Variants in CDH13 observed in about 807,000 individuals in gnomAD.
The protein encoded by CDH13 is cadherin 13.
Under a neutral mutation model 63.8 loss-of-function variants are expected in CDH13, and 24 were observed. That is an observed-to-expected ratio of 0.38 (90% CI 0.27 to 0.53). The LOEUF is 0.53. CDH13 is among the 20% of genes least tolerant of loss of function. The probability of loss-of-function intolerance (pLI) is 0.85; values close to 1 mark genes in which losing one functional copy is unlikely to be tolerated. For synonymous variants in CDH13, 503 were observed against 355.3 expected, an observed-to-expected ratio of 1.42 and a Z score of -4.67; for missense variants, 1,049 against 903.1, an observed-to-expected ratio of 1.16 and a Z score of -2.07.
chr16:83,535,090 C>A (rs2075157747), intron 7 of CDH13, among the ~76,000 whole-genome samples: 4 of 152,196 alleles, frequency 2.6e-5, no homozygotes, highest in Non-Finnish European at 4.4e-5. Context: ...TTGTTGGGGT[C>A]CTTTTTCAGT....
chr16:83,391,004 A>G (rs1272066646), intron 6 of CDH13, among the ~76,000 whole-genome samples: 1 of 152,160 alleles, frequency 6.6e-6, no homozygotes. Flanking sequence ...TTAATTGCTG[A>G]TTCAAACCAT....
chr16:83,705,381 G>A (rs1276179609), intron 10 of CDH13, among the ~76,000 whole-genome samples: 1 of 152,192 alleles, frequency 6.6e-6, no homozygotes, highest in Admixed American at 6.5e-5. Flanking sequence ...CTAGCACTTT[G>A]GGAGGCTGAG....
intron 8 of CDH13, among the ~76,000 whole-genome samples, chr16:83,625,190 ATG>A (rs1491129931): frequency 2.6e-5 from 4 of 151,140 alleles, no homozygotes; most frequent in Non-Finnish European, 3.0e-5. Context: ...GTGTGTGCTC[ATG>A]TGTGTGTGTG....
intron 7 of CDH13, among the ~76,000 whole-genome samples, chr16:83,561,841 C>T (rs2075714853): frequency 6.6e-6 from 1 of 152,144 alleles, no homozygotes. Flanking sequence ...TTTTGTAGTT[C>T]CTTAAAAGAG....
chr16:83,679,900 C>G (rs1266383416), intron 10 of CDH13, among the ~76,000 whole-genome samples: 1 of 152,100 alleles, frequency 6.6e-6, no homozygotes, highest in Non-Finnish European at 1.5e-5. Flanking sequence ...GGGATGCTGC[C>G]AGTCATGAAA....
At chr16:83,122,124 G>A (rs903824730) in intron 3 of CDH13, among the ~76,000 whole-genome samples, 1 of 152,144 alleles carries the variant, frequency 6.6e-6, no homozygotes, top group East Asian at 1.9e-4. Flanking sequence ...TTAGTATGTG[G>A]CATTAAATAA....
At chr16:83,677,796 C>T (rs1046854322) in intron 9 of CDH13, among the ~76,000 whole-genome samples, 12 of 151,976 alleles carry the variant, frequency 7.9e-5, no homozygotes, top group Non-Finnish European at 1.2e-4. Flanking sequence ...GTCGGGGGTA[C>T]GGAGTTACAG....
intron 1 of CDH13, among the ~76,000 whole-genome samples, chr16:82,781,562 A>G (rs955833309): frequency 1.3e-5 from 2 of 151,932 alleles, no homozygotes; most frequent in Non-Finnish European, 2.9e-5. Context: ...TCTATCATCC[A>G]TCCATCCACC....
chr16:83,565,129 C>G, intron 7 of CDH13, among the ~76,000 whole-genome samples: 1 of 152,116 alleles, frequency 6.6e-6, no homozygotes, highest in East Asian at 1.9e-4. Flanking sequence ...TTGTAGTTCT[C>G]CAATACTCTT....
intron 2 of CDH13, among the ~76,000 whole-genome samples, chr16:82,994,256 G>A (rs1030516589): frequency 5.3e-5 from 8 of 152,126 alleles, no homozygotes; most frequent in Non-Finnish European, 7.3e-5. Context: ...TCTTGGATGG[G>A]CCTCTTTATA....
At chr16:83,247,619 C>T (rs552898013) in intron 5 of CDH13, among the ~76,000 whole-genome samples, 1 of 152,222 alleles carries the variant, frequency 6.6e-6, no homozygotes, top group East Asian at 1.9e-4. Context: ...TAGAATACTT[C>T]TGGATTTTTC....
chr16:83,494,646 G>C lies in CDH13; in HGVS notation c.960+7991G>C, dbSNP rs544995497. On this transcript the variant is annotated intron_variant, in intron 7 of 13. Coordinates refer to ENST00000567109, the MANE Select transcript of CDH13 (RefSeq NM_001257.5). ...GTCCAGAGCAGGAACTGGGTGGTTA[G>C]AACAGCTGCAATATGATTCCACTGG... is the stretch of plus-strand genomic sequence containing the variant. 7.2e-5 allele frequency among the ~76,000 whole-genome samples: 11 copies of C among 152,290 alleles called. 1 individual carries two copies. Among genetic ancestry groups the C allele is most frequent in the Non-Finnish European group, 1.5e-5 (1 of 68,016 alleles).
intron 11 of CDH13, among the ~76,000 whole-genome samples, chr16:83,771,234 C>T (rs1042230753): frequency 6.6e-6 from 1 of 152,132 alleles, no homozygotes; most frequent in African/African-American, 2.4e-5. Flanking sequence ...CTCCCTACAC[C>T]AAGATCACAA....
At chr16:82,653,170 T>A (rs915087339) in intron 1 of CDH13, among the ~76,000 whole-genome samples, 1 of 152,138 alleles carries the variant, frequency 6.6e-6, no homozygotes, top group Non-Finnish European at 1.5e-5. Flanking sequence ...TTTCCAAGTG[T>A]CTGTGAAGAA....
chr16:82,818,967 C>T (rs1443226036), intron 1 of CDH13, among the ~76,000 whole-genome samples: 1 of 152,198 alleles, frequency 6.6e-6, no homozygotes, highest in Non-Finnish European at 1.5e-5. Flanking sequence ...GATCAGTAAT[C>T]ATAAACTGTG....
chr16:82,700,736 C>G (rs938293866), intron 1 of CDH13, among the ~76,000 whole-genome samples: 3 of 152,058 alleles, frequency 2.0e-5, no homozygotes, highest in Non-Finnish European at 4.4e-5. Context: ...CCTCTTTGCC[C>G]TCACAAAGGA....
At chr16:82,763,942 G>T (rs774429819) in intron 1 of CDH13, among the ~76,000 whole-genome samples, 6 of 152,152 alleles carry the variant, frequency 3.9e-5, no homozygotes, top group Non-Finnish European at 8.8e-5. Flanking sequence ...AAAAGTGCTG[G>T]GATTACGGGT....
intron 3 of CDH13, among the ~76,000 whole-genome samples, chr16:83,116,017 C>T (rs367718335): frequency 3.3e-5 from 5 of 152,294 alleles, no homozygotes; most frequent in African/African-American, 2.4e-5. Context: ...TAGGATCATT[C>T]CTCTCAAATC....
At chr16:83,527,700 G>T (rs936596620) in intron 7 of CDH13, among the ~76,000 whole-genome samples, 2 of 152,040 alleles carry the variant, frequency 1.3e-5, no homozygotes, top group Non-Finnish European at 2.9e-5. Context: ...GTAAGCAAAT[G>T]CTGAGACAAC....
Sources: allele counts gnomAD v4.1 joint callset (sites outside exome capture counted in the v4.1 genomes callset), GRCh38; gene constraint gnomAD v4.1.1; transcripts MANE v1.5; gene names NCBI Gene and HGNC (gene_info 2026-07-23, HGNC 2026-07-21).